The following NARS2 variants were observed in gnomAD, a reference collection of about 807,000 sequenced individuals.
NARS2 encodes asparaginyl-tRNA synthetase.
In NARS2, 60 loss-of-function variants were observed where a neutral mutation model predicts 62.9. The ratio of observed to expected loss-of-function variants is 0.95; its 90% CI spans 0.77 to 1.18. The LOEUF (loss-of-function observed/expected upper bound fraction) is 1.18. Ranked by LOEUF, NARS2 falls within the 50% of genes most tolerant of loss-of-function variation. The pLI is 0.00. For missense variants in NARS2, 619 were observed against 576.4 expected (o/e 1.07, Z -0.76); for synonymous variants, 196 against 200.0 (o/e 0.98, Z 0.17).
intron 10 of NARS2, among the ~76,000 whole-genome samples, chr11:78,466,689 G>T (rs1290747777): frequency 6.6e-6 from 1 of 152,034 alleles, no homozygotes; most frequent in Admixed American, 6.6e-5. Flanking sequence ...CACTACGTTG[G>T]CCAGGCTGGT....
At chr11:78,453,691 T>C (rs1565207794) in intron 11 of NARS2, among the ~76,000 whole-genome samples, 2 of 152,190 alleles carry the variant, frequency 1.3e-5, no homozygotes, top group Non-Finnish European at 1.5e-5. Flanking sequence ...AGAAAAAGAA[T>C]GTTCCACAAA....
chr11:78,489,115 T>C (rs997576025), intron 7 of NARS2, among the ~76,000 whole-genome samples: 4 of 151,658 alleles, frequency 2.6e-5, no homozygotes, highest in Non-Finnish European at 4.4e-5. Flanking sequence ...AAAGAAAAAA[T>C]GATAAACTAG....
In NARS2 at chr11:78,568,717, C is replaced by G. The variant is rs1405173539; in HGVS notation, c.287G>C (p.Gly96Ala). 1 of 1,611,114 alleles carries G rather than the reference C, an allele frequency of 6.2e-7. No homozygotes were observed. The highest frequency in any genetic ancestry group is 1.7e-5 in the Admixed American group (1 of 59,920). Residue 96 changes from glycine (G) to alanine (A), a missense_variant, in exon 3 of 14, where the codon GGG (glycine) becomes GCG (alanine). Physicochemically the swap from Gly to Ala is moderately conservative, Grantham distance 60. Transcript: ENST00000281038. ...TTTGGATGGACTTTTTATCAGCTGCCCTTGTACTTCCACAGAACTCCCAAA... is the reference window on the plus strand; with the variant it reads ...TTTGGATGGACTTTTTATCAGCTGCGCTTGTACTTCCACAGAACTCCCAAA... ...LNFGSSVEVQGQLIKSPSKRQ... is the reference protein window; with the variant it reads ...LNFGSSVEVQAQLIKSPSKRQ...
chr11:78,508,126 G>T (rs1860573138), intron 6 of NARS2, among the ~76,000 whole-genome samples: 1 of 152,122 alleles, frequency 6.6e-6, no homozygotes, highest in African/African-American at 2.4e-5. Flanking sequence ...CTCAAAGGCA[G>T]ATTTCAGCAG....
chr11:78,553,704 G>C (rs924196621), intron 5 of NARS2, among the ~76,000 whole-genome samples: 7 of 152,110 alleles, frequency 4.6e-5, no homozygotes, highest in African/African-American at 1.7e-4. Flanking sequence ...CATTCTGTAG[G>C]CTGTTTATTC....
chr11:78,544,263 C>T (rs1208179689), intron 5 of NARS2, among the ~76,000 whole-genome samples: 1 of 152,090 alleles, frequency 6.6e-6, no homozygotes, highest in Non-Finnish European at 1.5e-5. Flanking sequence ...AGACTCACAG[C>T]CAATATTCTT....
chr11:78,501,676 C>T (rs746130136), intron 6 of NARS2, among the ~76,000 whole-genome samples: 7 of 152,020 alleles, frequency 4.6e-5, no homozygotes, highest in Non-Finnish European at 1.0e-4. Context: ...TTTTTGATGG[C>T]TAAATTTTGA....
intron 6 of NARS2, among the ~76,000 whole-genome samples, chr11:78,524,009 A>G (rs545801208): frequency 1.3e-5 from 2 of 152,248 alleles, no homozygotes; most frequent in East Asian, 1.9e-4. Flanking sequence ...CTCTCTCAAT[A>G]TAACAATTTA....
Position 78,548,132 on chromosome 11 carries a change from T to C in NARS2, c.594+11407A>G, listed in dbSNP as rs149663859. On this transcript the variant is annotated intron_variant, in intron 5 of 13. Transcript: ENST00000281038. ...CAGGAGGCTGAGGTGGGAGGACTGC[T>C]TGAGCCCAGGAGTTGGACGTTGCAC... Among the ~76,000 whole-genome samples the C allele has an allele frequency of 3.7e-4, 57 of 152,230 alleles. No homozygotes were observed. In the East Asian group the frequency reaches 0.01, roughly 27 times the overall value.
intron 5 of NARS2, among the ~76,000 whole-genome samples, chr11:78,547,004 T>G (rs1359557427): frequency 1.3e-5 from 2 of 152,216 alleles, no homozygotes; most frequent in Admixed American, 6.5e-5. Flanking sequence ...CTGCTACGAT[T>G]TCACGTGTCA....
intron 11 of NARS2, among the ~76,000 whole-genome samples, chr11:78,461,602 T>TAAAAAAAAAAAAAAAAAAAAAAAA (rs59664343): frequency 1.6e-5 from 1 of 64,086 alleles, no homozygotes. Flanking sequence ...GCTGTGCTGG[T>TAAAAAAAAAAAAAAAAAAAAAAAA]AAAAAAAAAA....
At chr11:78,486,480 G>C (rs1222280544) in intron 7 of NARS2, among the ~76,000 whole-genome samples, 2 of 152,194 alleles carry the variant, frequency 1.3e-5, no homozygotes, top group Non-Finnish European at 2.9e-5. Flanking sequence ...GCAATTTCCA[G>C]ACTATGAGTA....
chr11:78,475,126 G>T (rs1859035187), intron 9 of NARS2, among the ~76,000 whole-genome samples: 1 of 131,802 alleles, frequency 7.6e-6, no homozygotes, highest in Non-Finnish European at 1.5e-5. Context: ...CACTACTTCT[G>T]TAGTGTTAAC....
intron 7 of NARS2, among the ~76,000 whole-genome samples, chr11:78,492,546 C>T (rs978601316): frequency 1.3e-5 from 2 of 152,180 alleles, no homozygotes; most frequent in African/African-American, 2.4e-5. Context: ...ATGACCATCT[C>T]TCCAGCCTTG....
chr11:78,496,570 G>C (rs1216231620), intron 6 of NARS2, among the ~76,000 whole-genome samples: 3 of 152,004 alleles, frequency 2.0e-5, no homozygotes, highest in African/African-American at 4.8e-5. Context: ...CAACAATGAT[G>C]CTCAAAACAA....
At chr11:78,515,401 T>A (rs1459086888) in intron 6 of NARS2, among the ~76,000 whole-genome samples, 3 of 152,082 alleles carry the variant, frequency 2.0e-5, no homozygotes, top group African/African-American at 7.2e-5. Flanking sequence ...TAGGAGAAAA[T>A]GGGAAGTGAC....
intron 5 of NARS2, among the ~76,000 whole-genome samples, chr11:78,534,806 G>A (rs1861611560): frequency 6.6e-6 from 1 of 152,140 alleles, no homozygotes; most frequent in Non-Finnish European, 1.5e-5. Context: ...GGAAATATGG[G>A]AGATACCTAA....
chr11:78,445,863 G>C (rs550153957), intron 11 of NARS2, among the ~76,000 whole-genome samples: 25 of 152,098 alleles, frequency 1.6e-4, no homozygotes, highest in Admixed American at 6.6e-4. Context: ...GTCAAACTGA[G>C]GCAGGAATAT....
chr11:78,493,109 A>G lies in NARS2; in HGVS notation c.776T>C (p.Ile259Thr). 1 of 1,614,038 alleles carries G rather than the reference A, an allele frequency of 6.2e-7. No individual in the cohort carries two copies. Among genetic ancestry groups the G allele is most frequent in the Non-Finnish European group, 8.5e-7 (1 of 1,179,912 alleles). Reference sequence around the variant, plus strand: ...GTCAACAAAAGAAATCTCTGCTTCTATCATATAAAACTCTGCCAGGTGCCT... The same window carrying G: ...GTCAACAAAAGAAATCTCTGCTTCTGTCATATAAAACTCTGCCAGGTGCCT... ...SRRHLAEFYM[I>T]EAEISFVDSL... Residue 259 changes from isoleucine to threonine, a missense_variant, in exon 7 of 14, where the codon ATA (isoleucine) becomes ACA (threonine). Ile to Thr is a moderately conservative substitution (Grantham distance 89, BLOSUM62 -1). Transcript: ENST00000281038.
Sources: allele counts gnomAD v4.1 joint callset (sites outside exome capture counted in the v4.1 genomes callset), GRCh38; gene constraint gnomAD v4.1.1; transcripts MANE v1.5; gene names NCBI Gene and HGNC (gene_info 2026-07-23, HGNC 2026-07-21).